The following GRIA4 variants were observed in gnomAD, a reference collection of about 807,000 sequenced individuals.
GRIA4 encodes glutamate ionotropic receptor AMPA type subunit 4, also known as glutamate receptor 4.
A neutral mutation model predicts 104.0 loss-of-function variants in GRIA4; 34 were observed. The ratio of observed to expected loss-of-function variants is 0.33; its 90% confidence interval spans 0.25 to 0.44. The LOEUF (loss-of-function observed/expected upper bound fraction) is 0.44. Among genes scored for constraint, GRIA4 ranks in the 20% least tolerant of loss-of-function variants. The pLI, the probability that GRIA4 is intolerant of heterozygous loss-of-function variation, is 1.00. For synonymous variants in GRIA4, 386 were observed against 381.9 expected (o/e 1.01, Z -0.13); for missense variants, 750 against 1,096.5 (o/e 0.68, Z 4.46).
intron 3 of GRIA4, among the ~76,000 whole-genome samples, chr11:105,729,248 T>A (rs934249209): frequency 2.0e-5 from 3 of 151,788 alleles, no homozygotes; most frequent in Admixed American, 1.3e-4. Context: ...AACTAGAAAA[T>A]CTAGGGGAAA....
At chr11:105,897,577 G>T (rs1946699061) in intron 6 of GRIA4, among the ~76,000 whole-genome samples, 2 of 152,010 alleles carry the variant, frequency 1.3e-5, no homozygotes, top group Non-Finnish European at 1.5e-5. Context: ...TTTGAGATAT[G>T]TTCTTTTGAT....
At chr11:105,638,332 C>G (rs1439688863) in intron 3 of GRIA4, among the ~76,000 whole-genome samples, 1 of 152,146 alleles carries the variant, frequency 6.6e-6, no homozygotes, top group Admixed American at 6.6e-5. Flanking sequence ...CTAACAAGGC[C>G]TGGAGCATCC....
At chr11:105,694,442 C>T (rs1051240510) in intron 3 of GRIA4, among the ~76,000 whole-genome samples, 1 of 152,092 alleles carries the variant, frequency 6.6e-6, no homozygotes, top group East Asian at 1.9e-4. Flanking sequence ...TCAATGCTCC[C>T]GGCCACAAGT....
chr11:105,890,498 GT>G (rs1946416804), intron 6 of GRIA4, among the ~76,000 whole-genome samples: 2 of 152,308 alleles, frequency 1.3e-5, no homozygotes, highest in African/African-American at 4.8e-5. Context: ...TTAACTACAA[GT>G]TGAACTTTTC....
chr11:105,793,540 T>A (rs1942315169), intron 4 of GRIA4, among the ~76,000 whole-genome samples: 1 of 152,254 alleles, frequency 6.6e-6, no homozygotes, highest in African/African-American at 2.4e-5. Flanking sequence ...TCTCTTAAAG[T>A]GGATCTTTAA....
chr11:105,660,527 TG>T (rs1278852566), intron 3 of GRIA4, among the ~76,000 whole-genome samples: 1 of 151,618 alleles, frequency 6.6e-6, no homozygotes, highest in Non-Finnish European at 1.5e-5. Context: ...TTACAGATAT[TG>T]TTCTTGGAAA....
chr11:105,828,880 T>G (rs1042338090), intron 4 of GRIA4, among the ~76,000 whole-genome samples: 5 of 151,988 alleles, frequency 3.3e-5, no homozygotes, highest in African/African-American at 1.2e-4. Flanking sequence ...TTTCCTATGT[T>G]CAGCTACTTG....
chr11:105,913,537 TA>T, intron 10 of GRIA4: 2 of 817,166 alleles, frequency 2.4e-6, no homozygotes, highest in Non-Finnish European at 3.0e-6. Flanking sequence ...GTATTAAAAG[TA>T]ATCATTTCTG....
chr11:105,864,587 A>G (rs969596186), intron 5 of GRIA4, among the ~76,000 whole-genome samples: 1 of 152,120 alleles, frequency 6.6e-6, no homozygotes, highest in East Asian at 1.9e-4. Flanking sequence ...GTAAATTTCT[A>G]TGGCCGGGCA....
intron 4 of GRIA4, among the ~76,000 whole-genome samples, chr11:105,815,417 C>T (rs567705203): frequency 1.3e-5 from 2 of 152,200 alleles, no homozygotes; most frequent in East Asian, 3.9e-4. Flanking sequence ...ACTCTATTAT[C>T]TAATGGAAAG....
At chr11:105,766,395 T>A (rs1242920711) in intron 4 of GRIA4, among the ~76,000 whole-genome samples, 1 of 152,212 alleles carries the variant, frequency 6.6e-6, no homozygotes, top group Non-Finnish European at 1.5e-5. Flanking sequence ...AATCTCTACA[T>A]AAAATAATGG....
intron 4 of GRIA4, among the ~76,000 whole-genome samples, chr11:105,756,909 G>A (rs1940344051): frequency 6.6e-6 from 1 of 152,148 alleles, no homozygotes; most frequent in South Asian, 2.1e-4. Flanking sequence ...CATCCCAGCA[G>A]GAGAAGGAGA....
At chr11:105,962,320 A>G (rs912616358) in intron 14 of GRIA4, among the ~76,000 whole-genome samples, 1 of 152,166 alleles carries the variant, frequency 6.6e-6, no homozygotes, top group African/African-American at 2.4e-5. Context: ...TGCTTTTCAC[A>G]AGGAAATCTT....
At chr11:105,851,709 T>A (rs1025511355) in intron 4 of GRIA4, among the ~76,000 whole-genome samples, 2 of 152,196 alleles carry the variant, frequency 1.3e-5, no homozygotes, top group Non-Finnish European at 2.9e-5. Context: ...ATCTTCAGTA[T>A]GAGTTGAGTG....
intron 5 of GRIA4, among the ~76,000 whole-genome samples, chr11:105,884,404 G>A (rs556693572): frequency 2.0e-5 from 3 of 152,312 alleles, no homozygotes; most frequent in East Asian, 3.9e-4. Flanking sequence ...AAACCACAAC[G>A]ATGACACTGT....
At chr11:105,716,874 C>T (rs998250583) in intron 3 of GRIA4, among the ~76,000 whole-genome samples, 8 of 151,946 alleles carry the variant, frequency 5.3e-5, no homozygotes, top group East Asian at 1.9e-4. Flanking sequence ...TAAATTACCT[C>T]GATGCCTTAC....
intron 9 of GRIA4, among the ~76,000 whole-genome samples, chr11:105,908,634 G>T (rs987969609): frequency 3.4e-5 from 5 of 148,298 alleles, no homozygotes; most frequent in Admixed American, 2.0e-4. Context: ...AATAAAGTTT[G>T]CTTATTATTT....
intron 13 of GRIA4, among the ~76,000 whole-genome samples, chr11:105,931,487 G>A (rs1165338091): frequency 6.6e-6 from 1 of 151,994 alleles, no homozygotes; most frequent in Non-Finnish European, 1.5e-5. Context: ...TGGATTACCT[G>A]AGCTCAGGAG....
intron 10 of GRIA4, among the ~76,000 whole-genome samples, chr11:105,914,506 G>C (rs1260925223): frequency 6.6e-6 from 1 of 151,716 alleles, no homozygotes; most frequent in Non-Finnish European, 1.5e-5. Context: ...AAATCTCCTT[G>C]GTAGGAAAAT....
Sources: gnomAD v4.1 joint callset for allele counts (sites outside exome capture counted in the v4.1 genomes callset) on GRCh38, gnomAD v4.1.1 for gene constraint, MANE v1.5 for transcripts, NCBI Gene and HGNC (gene_info 2026-07-23, HGNC 2026-07-21) for gene names.